Variants in MPPED2 observed in about 807,000 individuals in gnomAD.
MPPED2 encodes the protein metallophosphoesterase MPPED2.
A neutral mutation model predicts 33.0 loss-of-function variants in MPPED2; 5 were observed. That is an observed-to-expected ratio of 0.15 (90% CI 0.08 to 0.32). The LOEUF (loss-of-function observed/expected upper bound fraction) is 0.32. Among genes scored for constraint, MPPED2 ranks in the 10% least tolerant of loss-of-function variants. MPPED2 has a pLI of 1.00. For missense variants in MPPED2, 275 were observed against 372.1 expected (o/e 0.74, Z 2.15); for synonymous variants, 136 against 141.9 (o/e 0.96, Z 0.29).
Position 30,411,310 on chromosome 11 carries a change from A to C in MPPED2, c.*158T>G. ...CAAATGGATGCCCCATTTAAAATAAAATAAAATAAGAAGCACAACCTCTAG... is the reference window on the plus strand; with the variant it reads ...CAAATGGATGCCCCATTTAAAATAACATAAAATAAGAAGCACAACCTCTAG... On this transcript the variant is annotated 3_prime_UTR_variant, in exon 7 of 7. Transcript: ENST00000358117. 7.9e-7 allele frequency: 1 copy of C among 1,267,008 alleles called. No homozygotes were observed. The highest frequency in any genetic ancestry group is 1.0e-6 in the Non-Finnish European group (1 of 998,068). 78.5% of individuals were successfully genotyped at this position (1,267,008 alleles called of 1,614,324 possible).
intron 1 of MPPED2, among the ~76,000 whole-genome samples, chr11:30,582,978 T>C (rs1248532061): frequency 6.6e-6 from 1 of 152,154 alleles, no homozygotes; most frequent in African/African-American, 2.4e-5. Flanking sequence ...GAAGAAAATG[T>C]CAGACTGAGG....
At chr11:30,567,219 C>T (rs1956483721) in intron 2 of MPPED2, among the ~76,000 whole-genome samples, 1 of 152,104 alleles carries the variant, frequency 6.6e-6, no homozygotes, top group South Asian at 2.1e-4. Flanking sequence ...TGGCTGGCAC[C>T]AATGCACAGA....
chr11:30,483,811 A>T (rs1432714216), intron 4 of MPPED2, among the ~76,000 whole-genome samples: 1 of 152,266 alleles, frequency 6.6e-6, no homozygotes, highest in Middle Eastern at 3.4e-3. Context: ...TGTGGCATGG[A>T]AAGTCAGTAT....
At chr11:30,479,160 C>A (rs1336092176) in intron 4 of MPPED2, among the ~76,000 whole-genome samples, 1 of 151,974 alleles carries the variant, frequency 6.6e-6, no homozygotes. Flanking sequence ...GGAGATCACA[C>A]TGGCCAAAAG....
intron 4 of MPPED2, among the ~76,000 whole-genome samples, chr11:30,427,771 G>T (rs1948904109): frequency 6.6e-6 from 1 of 152,190 alleles, no homozygotes; most frequent in Non-Finnish European, 1.5e-5. Context: ...TTATCTCTGG[G>T]GGTGAAGGGA....
intron 4 of MPPED2, among the ~76,000 whole-genome samples, chr11:30,479,464 A>G (rs1342160487): frequency 1.3e-5 from 2 of 152,152 alleles, no homozygotes; most frequent in Non-Finnish European, 2.9e-5. Flanking sequence ...TCTACAAACA[A>G]TAACACTGAA....
chr11:30,407,831 G>A (rs1447265422), downstream of MPPED2, among the ~76,000 whole-genome samples: 5 of 152,184 alleles, frequency 3.3e-5, no homozygotes, highest in East Asian at 3.9e-4. Flanking sequence ...GGATTGCACC[G>A]CTGCACTCCA....
chr11:30,394,180 G>T (rs1947812841), intron 6 of MPPED2, among the ~76,000 whole-genome samples: 1 of 152,140 alleles, frequency 6.6e-6, no homozygotes, highest in Non-Finnish European at 1.5e-5. Context: ...CCTGCTGAAG[G>T]ATATTTGGAT....
intron 4 of MPPED2, among the ~76,000 whole-genome samples, chr11:30,428,123 A>T (rs1256732454): frequency 1.3e-5 from 2 of 152,154 alleles, no homozygotes; most frequent in Non-Finnish European, 2.9e-5. Flanking sequence ...ATGTGGCAAT[A>T]AAAAAGCATC....
intron 6 of MPPED2, among the ~76,000 whole-genome samples, chr11:30,402,178 C>T (rs911567695): frequency 1.4e-4 from 21 of 152,082 alleles, no homozygotes; most frequent in African/African-American, 4.8e-4. Context: ...GCTTTAAAAA[C>T]AGTGGGTGAT....
rs200762822 is a variant in MPPED2, at chr11:30,495,563, C to T, written c.311-42G>A. 7 of 1,470,214 alleles carry T rather than the reference C, an allele frequency of 4.8e-6. No homozygotes were observed. In the East Asian group the frequency reaches 1.4e-4, roughly 29 times the overall value. 91.1% of individuals were successfully genotyped at this position (1,470,214 alleles called of 1,614,324 possible). ...GAGCACCAATTAGCACGTTCATTTC[C>T]CATCACAAAGTACAACAGCCGAGAC... On this transcript the variant is annotated intron_variant, in intron 3 of 6. Transcript: ENST00000358117.
chr11:30,439,887 C>T (rs1384806974), intron 4 of MPPED2, among the ~76,000 whole-genome samples: 2 of 152,228 alleles, frequency 1.3e-5, no homozygotes, highest in African/African-American at 4.8e-5. Context: ...ATCTCTGTGT[C>T]TCAGTTTTCT....
intron 2 of MPPED2, among the ~76,000 whole-genome samples, chr11:30,564,853 T>C (rs1041294133): frequency 6.6e-6 from 1 of 152,166 alleles, no homozygotes; most frequent in Non-Finnish European, 1.5e-5. Flanking sequence ...AATGCATTCA[T>C]GCCCCCCAAT....
intron 5 of MPPED2, among the ~76,000 whole-genome samples, chr11:30,416,154 A>T (rs1269759639): frequency 6.6e-6 from 1 of 152,254 alleles, no homozygotes; most frequent in African/African-American, 2.4e-5. Context: ...TGGTCTGGGG[A>T]TGATGAAAAA....
Position 30,580,248 on chromosome 11 carries a change from A to G in MPPED2, c.126T>C (p.His42=), listed in dbSNP as rs1957105666. The part of the protein sequence containing the change: ...NQSRFQPPHV[H]MVDPIPYDTP... The stretch of plus-strand genomic sequence containing the variant: ...TTAAGTTCATAAGCGATACTTACAT[A>G]TGTACATGTGGAGGCTGGAATCTGC... Residue 42 remains histidine, a splice_region_variant and synonymous_variant, in exon 2 of 7, where the codon CAT becomes CAC. Coordinates refer to ENST00000358117, the MANE Select transcript of MPPED2 (RefSeq NM_001584.3). 3 of 1,613,562 alleles carry G rather than the reference A, an allele frequency of 1.9e-6. No individual in the cohort carries two copies. The highest frequency in any genetic ancestry group is 2.5e-6 in the Non-Finnish European group (3 of 1,179,760).
intron 2 of MPPED2, among the ~76,000 whole-genome samples, chr11:30,555,232 T>C (rs1955909895): frequency 6.6e-6 from 1 of 152,164 alleles, no homozygotes; most frequent in African/African-American, 2.4e-5. Flanking sequence ...CTCAACACTG[T>C]GACTCTCTTG....
At chr11:30,514,724 C>T (rs1953427088) in intron 3 of MPPED2, among the ~76,000 whole-genome samples, 1 of 152,142 alleles carries the variant, frequency 6.6e-6, no homozygotes, top group Non-Finnish European at 1.5e-5. Context: ...TACTCAGTGT[C>T]CCTGTAAATG....
At chr11:30,424,151 T>C (rs1192785052) in intron 4 of MPPED2, among the ~76,000 whole-genome samples, 1 of 152,102 alleles carries the variant, frequency 6.6e-6, no homozygotes, top group Non-Finnish European at 1.5e-5. Context: ...CTAGTACAGG[T>C]GGTCAGATTT....
At chr11:30,486,580 T>A (rs530576158) in intron 4 of MPPED2, among the ~76,000 whole-genome samples, 2 of 152,290 alleles carry the variant, frequency 1.3e-5, no homozygotes, top group Admixed American at 6.5e-5. Context: ...CTGCTCACAG[T>A]ACGGGAATAA....
Sources: allele counts gnomAD v4.1 joint callset (sites outside exome capture counted in the v4.1 genomes callset), GRCh38; gene constraint gnomAD v4.1.1; transcripts MANE v1.5; gene names NCBI Gene and HGNC (gene_info 2026-07-23, HGNC 2026-07-21).